The following EBF2 variants were observed in gnomAD, a reference collection of about 807,000 sequenced individuals.
EBF2 encodes the protein EBF transcription factor 2, also known as transcription factor COE2.
In EBF2, 21 loss-of-function variants were observed where a neutral mutation model predicts 72.8. The ratio of observed to expected loss-of-function variants is 0.29; its 90% CI spans 0.20 to 0.42. The LOEUF (loss-of-function observed/expected upper bound fraction) is 0.42, where lower values mean the gene tolerates loss of function less well. Among genes scored for constraint, EBF2 ranks in the 10% least tolerant of loss-of-function variants. EBF2 has a pLI of 1.00. For synonymous variants in EBF2, 299 were observed against 274.2 expected (o/e 1.09, Z -0.89); for missense variants, 637 against 731.2 (o/e 0.87, Z 1.49).
intron 6 of EBF2, among the ~76,000 whole-genome samples, chr8:26,008,348 C>T (rs7842451): frequency 8.8e-4 from 134 of 152,294 alleles, no homozygotes; most frequent in African/African-American, 2.9e-3. Flanking sequence ...CTGCAAAACA[C>T]GTCCTGCCTT....
intron 5 of EBF2, among the ~76,000 whole-genome samples, chr8:26,039,166 G>A (rs1050402842): frequency 1.3e-5 from 2 of 151,934 alleles, no homozygotes; most frequent in African/African-American, 2.4e-5. Context: ...CACACGTTAG[G>A]CACTCAATAA....
intron 6 of EBF2, among the ~76,000 whole-genome samples, chr8:25,932,712 A>C (rs2117147429): frequency 6.6e-6 from 1 of 152,348 alleles, no homozygotes; most frequent in South Asian, 2.1e-4. Flanking sequence ...CTAATTGGAA[A>C]ATTCTGCAAA....
At chr8:25,932,069 G>A (rs1803490696) in intron 6 of EBF2, among the ~76,000 whole-genome samples, 1 of 152,086 alleles carries the variant, frequency 6.6e-6, no homozygotes, top group East Asian at 1.9e-4. Context: ...CTGCCATATT[G>A]AGAAGCCACC....
chr8:25,961,473 C>A lies in EBF2; in HGVS notation c.552-52918G>T, dbSNP rs117434837. On this transcript the variant is annotated intron_variant, in intron 6 of 15. Coordinates refer to ENST00000520164, the MANE Select transcript of EBF2 (RefSeq NM_022659.4). ...CTGCCTCCCAAGTTCAAGCAATTAC[C>A]TGCCTCACTCTCCTGAGTAGGTGGG... Among the ~76,000 whole-genome samples the A allele has an allele frequency of 4.9e-4, 75 of 152,248 alleles. No individual in the cohort carries two copies. The East Asian group carries it at 0.014, about 29-fold the overall frequency.
chr8:25,983,570 T>G (rs556884427), intron 6 of EBF2, among the ~76,000 whole-genome samples: 110 of 152,328 alleles, frequency 7.2e-4, no homozygotes, highest in African/African-American at 2.3e-3. Flanking sequence ...AATTTGGGAC[T>G]GGGTTGTGGG....
At chr8:26,027,791 G>T (rs1247763078) in intron 6 of EBF2, among the ~76,000 whole-genome samples, 1 of 152,096 alleles carries the variant, frequency 6.6e-6, no homozygotes, top group Non-Finnish European at 1.5e-5. Context: ...TTAAAAGAAA[G>T]GATATTCTGA....
At chr8:26,041,111 G>A (rs1805592543) in intron 2 of EBF2, 109 bp from the exon 3 acceptor site, 1 of 1,275,520 alleles carries the variant, frequency 7.8e-7, no homozygotes, top group Non-Finnish European at 1.1e-6. Flanking sequence ...TCAAAAGGCA[G>A]CTTTGAGTAA....
chr8:25,979,000 C>A (rs1447790440), intron 6 of EBF2, among the ~76,000 whole-genome samples: 1 of 152,176 alleles, frequency 6.6e-6, no homozygotes, highest in African/African-American at 2.4e-5. Context: ...CACCCTTAAT[C>A]TTGTGACACG....
chr8:25,849,262 G>A (rs937737412), intron 15 of EBF2, among the ~76,000 whole-genome samples: 1 of 152,150 alleles, frequency 6.6e-6, no homozygotes, highest in South Asian at 2.1e-4. Flanking sequence ...TTTCTCTGTA[G>A]AGTCACTTGA....
At chr8:25,952,889 G>C (rs1425803686) in intron 6 of EBF2, among the ~76,000 whole-genome samples, 2 of 152,088 alleles carry the variant, frequency 1.3e-5, no homozygotes, top group Non-Finnish European at 2.9e-5. Flanking sequence ...AGTATTGGGG[G>C]TTCTTTTCCC....
intron 6 of EBF2, among the ~76,000 whole-genome samples, chr8:25,958,953 C>A (rs1803992627): frequency 6.6e-6 from 1 of 152,144 alleles, no homozygotes; most frequent in African/African-American, 2.4e-5. Flanking sequence ...TAAGTGCCAC[C>A]ATCAGCCTCA....
At position 26,039,925 on chromosome 8, in the gene EBF2, G is replaced by T. The variant is rs867387715; in HGVS notation, c.482+103C>A. 1.0e-5 allele frequency: 13 copies of T among 1,264,700 alleles called. No homozygotes were observed. The Middle Eastern group carries it at 1.1e-3, about 105-fold the overall frequency. The allele number at this position is 1,264,700 out of a possible 1,614,324, so 78.3% of individuals were successfully genotyped here. A position where few individuals can be genotyped will look rare whatever the true frequency, so the allele number is the denominator to read the frequency against. On this transcript the variant is annotated intron_variant, in intron 5 of 15. Coordinates refer to ENST00000520164, the MANE Select transcript of EBF2 (RefSeq NM_022659.4). ...TCTGCCCGCGAGGCCTCCCAGCTGC[G>T]AGCGCTCAGTCCTGAAAGTTAGTCC...
chr8:25,861,525 A>C (rs1199344213), intron 11 of EBF2, 151 bp from the exon 12 acceptor site: 22 of 734,222 alleles, frequency 3.0e-5, no homozygotes, highest in Non-Finnish European at 4.5e-5. Flanking sequence ...GACAGGTAGA[A>C]TACAATTGTA....
chr8:26,037,346 G>A (rs541166745), intron 5 of EBF2, among the ~76,000 whole-genome samples: 2 of 152,308 alleles, frequency 1.3e-5, no homozygotes, highest in East Asian at 3.9e-4. Context: ...AAGCGAGTGT[G>A]TCCCTTTCCC....
chr8:26,015,013 A>G (rs1389167871), intron 6 of EBF2, among the ~76,000 whole-genome samples: 4 of 152,192 alleles, frequency 2.6e-5, no homozygotes, highest in African/African-American at 9.7e-5. Flanking sequence ...TAAGATGCAA[A>G]TCGTAGGGTG....
rs149719789 is a variant in EBF2, at chr8:25,851,782, T to C, written c.1529-1021A>G. 4.0e-3 allele frequency among the ~76,000 whole-genome samples: 615 copies of C among 152,308 alleles called. 1 individual carries two copies. The highest frequency in any genetic ancestry group is 6.9e-3 in the Non-Finnish European group (468 of 68,024). ...CTTTGTATTTTCAATGGACCACCTG[T>C]CCTTCAAAGTAAATTCGAAAGTGAG... On this transcript the variant is annotated intron_variant, in intron 14 of 15. Coordinates refer to ENST00000520164, the MANE Select transcript of EBF2 (RefSeq NM_022659.4).
intron 7 of EBF2, among the ~76,000 whole-genome samples, chr8:25,907,450 A>AT (rs1803055230): frequency 2.1e-5 from 3 of 144,008 alleles, no homozygotes; most frequent in African/African-American, 8.2e-5. Flanking sequence ...AAAAAAAAAA[A>AT]AAATTATTCA....
intron 6 of EBF2, among the ~76,000 whole-genome samples, chr8:25,984,369 G>A (rs542512533): frequency 1.9e-3 from 275 of 148,384 alleles, no homozygotes; most frequent in Non-Finnish European, 3.0e-3. Context: ...AAGGCACAGA[G>A]CCTGAAAAAA....
intron 11 of EBF2, 143 bp from the exon 12 acceptor site, chr8:25,861,517 C>G: frequency 2.5e-6 from 2 of 791,692 alleles, no homozygotes; most frequent in Non-Finnish European, 4.1e-6. Flanking sequence ...TTTGGTTTGA[C>G]AGGTAGAATA....
Sources: gnomAD v4.1 joint callset for allele counts (sites outside exome capture counted in the v4.1 genomes callset) on GRCh38, gnomAD v4.1.1 for gene constraint, MANE v1.5 for transcripts, NCBI Gene and HGNC (gene_info 2026-07-23, HGNC 2026-07-21) for gene names.